The following ERGIC1 variants were observed in gnomAD, a reference collection of about 807,000 sequenced individuals.
ERGIC1 encodes endoplasmic reticulum-golgi intermediate compartment 1, also known as endoplasmic reticulum-Golgi intermediate compartment protein 1.
Under a neutral mutation model 38.3 loss-of-function variants are expected in ERGIC1, and 19 were observed. The ratio of observed to expected loss-of-function variants is 0.50; its 90% CI spans 0.35 to 0.73. The LOEUF (loss-of-function observed/expected upper bound fraction) is 0.73, where lower values mean the gene tolerates loss of function less well. Ranked by LOEUF, ERGIC1 falls within the 30% of genes least tolerant of loss-of-function variation. The pLI is 0.01. For missense variants in ERGIC1, 294 were observed against 389.2 expected, an observed-to-expected ratio of 0.76 and a Z score of 2.06; for synonymous variants, 124 against 157.6, an observed-to-expected ratio of 0.79 and a Z score of 1.60.
intron 9 of ERGIC1, among the ~76,000 whole-genome samples, chr5:172,940,675 AC>A (rs1383287884): frequency 1.3e-5 from 2 of 152,000 alleles, no homozygotes; most frequent in Admixed American, 6.6e-5. Flanking sequence ...GCTACTCAAA[AC>A]CTGTCATTCT....
At chr5:172,865,027 A>G (rs977688065) in intron 1 of ERGIC1, among the ~76,000 whole-genome samples, 1 of 150,404 alleles carries the variant, frequency 6.6e-6, no homozygotes, top group Non-Finnish European at 1.5e-5. Context: ...GGAATCAAAT[A>G]TCAAATTGCT....
At chr5:172,896,009 T>C (rs977406561) in intron 2 of ERGIC1, among the ~76,000 whole-genome samples, 2 of 152,014 alleles carry the variant, frequency 1.3e-5, no homozygotes, top group African/African-American at 4.8e-5. Context: ...ACAACAGACA[T>C]GGCCGACCCC....
At chr5:172,898,031 GCTTC>G in intron 3 of ERGIC1, 1 of 406,338 alleles carries the variant, frequency 2.5e-6, no homozygotes, top group East Asian at 3.6e-5. Context: ...AGACCCAGGA[GCTTC>G]CTGCCTTTGG....
intron 3 of ERGIC1, among the ~76,000 whole-genome samples, chr5:172,903,475 C>G (rs377733519): frequency 4.6e-5 from 7 of 152,306 alleles, no homozygotes; most frequent in South Asian, 4.1e-4. Context: ...TCTGGGCCCC[C>G]TGTCCCTGGG....
intron 1 of ERGIC1, among the ~76,000 whole-genome samples, chr5:172,876,388 GA>G (rs1039570562): frequency 6.6e-6 from 1 of 152,024 alleles, no homozygotes; most frequent in Non-Finnish European, 1.5e-5. Context: ...TTTATACCAA[GA>G]AAAAAAGTCA....
intron 1 of ERGIC1, among the ~76,000 whole-genome samples, chr5:172,845,781 C>T (rs1344263967): frequency 1.3e-5 from 2 of 152,216 alleles, no homozygotes; most frequent in African/African-American, 2.4e-5. Flanking sequence ...AGGAAACTGA[C>T]CTTTGCTCAT....
intron 1 of ERGIC1, among the ~76,000 whole-genome samples, chr5:172,850,446 C>T (rs917657373): frequency 6.6e-6 from 1 of 152,128 alleles, no homozygotes; most frequent in African/African-American, 2.4e-5. Context: ...GGCACTGTTC[C>T]ATGCTGCCAG....
chr5:172,844,050 G>C (rs1042574673), intron 1 of ERGIC1, among the ~76,000 whole-genome samples: 28 of 152,308 alleles, frequency 1.8e-4, no homozygotes, highest in East Asian at 1.9e-4. Flanking sequence ...GTAGGTGGAC[G>C]TGGTAAAACC....
At chr5:172,896,071 A>C (rs973792923) in intron 2 of ERGIC1, among the ~76,000 whole-genome samples, 1 of 152,094 alleles carries the variant, frequency 6.6e-6, no homozygotes, top group Non-Finnish European at 1.5e-5. Flanking sequence ...GGCCGGGTGT[A>C]GTGGCTCACA....
At chr5:172,860,445 C>T (rs1761667415) in intron 1 of ERGIC1, among the ~76,000 whole-genome samples, 1 of 152,240 alleles carries the variant, frequency 6.6e-6, no homozygotes, top group Non-Finnish European at 1.5e-5. Context: ...TTTAACCTGC[C>T]CAGCGTTGCC....
At chr5:172,892,279 C>G (rs1368212951) in intron 2 of ERGIC1, among the ~76,000 whole-genome samples, 1 of 152,112 alleles carries the variant, frequency 6.6e-6, no homozygotes, top group Non-Finnish European at 1.5e-5. Flanking sequence ...ATGCCAAGCC[C>G]TGGGACTGTG....
intron 5 of ERGIC1, chr5:172,918,226 A>G (rs1358255465): frequency 2.0e-5 from 3 of 152,270 alleles, no homozygotes; most frequent in African/African-American, 7.2e-5. Context: ...TGCATCAGTA[A>G]AGCAGCATAT....
At chr5:172,840,607 C>T (rs540149495) in intron 1 of ERGIC1, among the ~76,000 whole-genome samples, 3 of 152,114 alleles carry the variant, frequency 2.0e-5, no homozygotes, top group Admixed American at 1.3e-4. Flanking sequence ...AGCCTTGCCT[C>T]GGGAGGCTGG....
intron 1 of ERGIC1, among the ~76,000 whole-genome samples, chr5:172,872,288 T>C (rs1762034726): frequency 6.6e-6 from 1 of 152,222 alleles, no homozygotes; most frequent in Admixed American, 6.5e-5. Context: ...CTCAGTTTTA[T>C]TTTTCTGTAA....
chr5:172,939,224 G>C (rs1452571053), intron 9 of ERGIC1, among the ~76,000 whole-genome samples: 2 of 152,230 alleles, frequency 1.3e-5, no homozygotes, highest in Admixed American at 1.3e-4. Flanking sequence ...GGAGCCCCCT[G>C]CTGGAGGGGC....
intron 1 of ERGIC1, among the ~76,000 whole-genome samples, chr5:172,869,392 A>C (rs1452462782): frequency 6.6e-6 from 1 of 152,220 alleles, no homozygotes; most frequent in Non-Finnish European, 1.5e-5. Flanking sequence ...CAGCCAGCAC[A>C]CTGAAGTCGC....
intron 9 of ERGIC1, chr5:172,936,882 C>A (rs1763896628): frequency 6.6e-6 from 1 of 151,928 alleles, no homozygotes; most frequent in South Asian, 2.1e-4. Context: ...ACCTGTAGTC[C>A]CAGCTACTTA....
At chr5:172,924,922 G>A (rs1015712456) in intron 6 of ERGIC1, among the ~76,000 whole-genome samples, 1 of 152,118 alleles carries the variant, frequency 6.6e-6, no homozygotes, top group Non-Finnish European at 1.5e-5. Context: ...TCCAGTCTAG[G>A]GGGGAAGACA....
intron 1 of ERGIC1, among the ~76,000 whole-genome samples, chr5:172,862,553 C>T (rs988501349): frequency 2.0e-5 from 3 of 152,150 alleles, no homozygotes; most frequent in Non-Finnish European, 4.4e-5. Flanking sequence ...GCTGGCTGGC[C>T]AGCCTTGACT....
Sources: gnomAD v4.1 joint callset for allele counts (sites outside exome capture counted in the v4.1 genomes callset) on GRCh38, gnomAD v4.1.1 for gene constraint, MANE v1.5 for transcripts, NCBI Gene and HGNC (gene_info 2026-07-23, HGNC 2026-07-21) for gene names.